The following TNS3 variants were observed in gnomAD, a reference collection of about 807,000 sequenced individuals.
The protein encoded by TNS3 is tensin 3.
Under a neutral mutation model 140.9 loss-of-function variants are expected in TNS3, and 45 were observed. The observed-to-expected ratio is 0.32, with a 90% CI of 0.25 to 0.41. The LOEUF (loss-of-function observed/expected upper bound fraction) is 0.41. Among genes scored for constraint, TNS3 ranks in the 10% least tolerant of loss-of-function variants. The probability of loss-of-function intolerance (pLI) is 1.00; values close to 1 mark genes in which losing one functional copy is unlikely to be tolerated. For missense variants in TNS3, 1,716 were observed against 1,906.7 expected (o/e 0.90, Z 1.86); for synonymous variants, 815 against 788.4 (o/e 1.03, Z -0.56).
At chr7:47,535,334 A>G (rs1184509483) in intron 1 of TNS3, among the ~76,000 whole-genome samples, 1 of 152,240 alleles carries the variant, frequency 6.6e-6, no homozygotes, top group Non-Finnish European at 1.5e-5. Flanking sequence ...GTCCACAGCT[A>G]GAAAACTTAA....
chr7:47,571,974 C>A (rs1800568170), intron 1 of TNS3, among the ~76,000 whole-genome samples: 2 of 152,214 alleles, frequency 1.3e-5, no homozygotes, highest in African/African-American at 2.4e-5. Flanking sequence ...CCGCCAGGGC[C>A]CACAGGTCCT....
chr7:47,540,143 G>A (rs1562843776), intron 1 of TNS3, among the ~76,000 whole-genome samples: 1 of 152,056 alleles, frequency 6.6e-6, no homozygotes, highest in Admixed American at 6.6e-5. Flanking sequence ...GCTTCTGACT[G>A]CACTTGGTTC....
At chr7:47,475,475 C>T (rs368586202) in intron 4 of TNS3, among the ~76,000 whole-genome samples, 5 of 152,224 alleles carry the variant, frequency 3.3e-5, no homozygotes, top group African/African-American at 7.2e-5. Flanking sequence ...CACCAGAAGG[C>T]GGAGACACCG....
rs1304992131 is a variant in TNS3, at chr7:47,439,807, CA to C, written c.-22-150del. 2.1e-5 allele frequency: 16 copies of C among 776,426 alleles called. No homozygotes were observed. In the African/African-American group the frequency reaches 2.8e-4, roughly 13 times the overall value. The allele number at this position is 776,426 out of a possible 1,614,324, so 48.1% of individuals were successfully genotyped here. ...CAGCTACGGGAATTTACAGTGTGTG[CA>C]GCCTCTGTGCTGTGTTCCCATAACA... is the stretch of plus-strand genomic sequence containing the variant. On this transcript the variant is annotated intron_variant, in intron 5 of 30. Coordinates refer to ENST00000311160, the MANE Select transcript of TNS3 (RefSeq NM_022748.12).
chr7:47,391,826 G>A (rs931282811), intron 16 of TNS3, among the ~76,000 whole-genome samples: 10 of 152,142 alleles, frequency 6.6e-5, no homozygotes, highest in Non-Finnish European at 1.3e-4. Context: ...CTTGTGTGAC[G>A]AGGAGGTGGG....
intron 2 of TNS3, among the ~76,000 whole-genome samples, chr7:47,515,383 T>C (rs779844788): frequency 2.2e-4 from 34 of 152,226 alleles, no homozygotes; most frequent in Non-Finnish European, 2.6e-4. Context: ...ATTGCCATTG[T>C]TACTATCACC....
intron 3 of TNS3, among the ~76,000 whole-genome samples, chr7:47,483,770 G>A (rs34928805): frequency 0.063 from 9,533 of 152,216 alleles, 352 homozygotes; most frequent in African/African-American, 0.099. Flanking sequence ...GGGACTGCCC[G>A]AGTCCCATCT....
intron 10 of TNS3, among the ~76,000 whole-genome samples, chr7:47,419,250 G>A (rs76988120): frequency 0.2 from 30,294 of 152,200 alleles, 3,477 homozygotes; most frequent in African/African-American, 0.32. Context: ...AGAGTTGGAG[G>A]CTCAGAGGGG....
intron 3 of TNS3, among the ~76,000 whole-genome samples, chr7:47,489,361 G>C (rs1283284352): frequency 1.3e-5 from 2 of 152,190 alleles, no homozygotes; most frequent in South Asian, 2.1e-4. Flanking sequence ...CTTGGTCTTG[G>C]CTTGGTCTCG....
chr7:47,535,284 A>G (rs1799560362), intron 1 of TNS3, among the ~76,000 whole-genome samples: 1 of 152,224 alleles, frequency 6.6e-6, no homozygotes, highest in South Asian at 2.1e-4. Context: ...CCAACCAGGG[A>G]GAAAGAGGCA....
At chr7:47,398,758 G>GT (rs1792978907) in intron 15 of TNS3, among the ~76,000 whole-genome samples, 1 of 152,110 alleles carries the variant, frequency 6.6e-6, no homozygotes, top group African/African-American at 2.4e-5. Flanking sequence ...CCTGAGAAGT[G>GT]TAACAAGACA....
At chr7:47,515,144 A>G (rs911222597) in intron 2 of TNS3, among the ~76,000 whole-genome samples, 5 of 152,224 alleles carry the variant, frequency 3.3e-5, no homozygotes, top group African/African-American at 7.2e-5. Context: ...ACATGTTAAC[A>G]TAACAGTTTT....
intron 17 of TNS3, among the ~76,000 whole-genome samples, chr7:47,361,718 T>C (rs1284284039): frequency 6.6e-6 from 1 of 152,220 alleles, no homozygotes; most frequent in Non-Finnish European, 1.5e-5. Context: ...TTCTTTAGGA[T>C]GCACAGGTTA....
At chr7:47,411,051 T>C (rs1793741282) in intron 13 of TNS3, among the ~76,000 whole-genome samples, 1 of 152,234 alleles carries the variant, frequency 6.6e-6, no homozygotes, top group Non-Finnish European at 1.5e-5. Flanking sequence ...TAATGATACA[T>C]AAATATTCTA....
chr7:47,279,540 T>C (rs961460991), intron 30 of TNS3: 1 of 155,126 alleles, frequency 6.4e-6, no homozygotes, highest in South Asian at 2.0e-4. Flanking sequence ...CCGTCTCTAC[T>C]AAATACAAAA....
chr7:47,524,001 C>T (rs1363839786), intron 2 of TNS3, among the ~76,000 whole-genome samples: 1 of 152,230 alleles, frequency 6.6e-6, no homozygotes, highest in African/African-American at 2.4e-5. Flanking sequence ...TGCAGGCACC[C>T]AGGCTGGAAA....
rs745744128 is a variant in TNS3 at position 47,303,311 on chromosome 7, C to T, written c.3096G>A (p.Pro1032=). The change falls in exon 22 of 31, where the codon CCG becomes CCA. Residue 1032 remains proline (P), a synonymous_variant. Coordinates refer to ENST00000311160, the MANE Select transcript of TNS3 (RefSeq NM_022748.12). ...GCAAGGCCCCCAGGTCCTCCTCGGG[C>T]GGAAGGCCACTTCCCACTGGGGCGG... ...FGTAPVGSGL[P]PEEDLGALLA... is the part of the protein sequence containing the mutation. 20 of 1,613,212 alleles carry T rather than the reference C, an allele frequency of 1.2e-5. No individual in the cohort carries two copies. Among genetic ancestry groups the T allele is most frequent in the Middle Eastern group, 1.6e-4 (1 of 6,076 alleles).
In TNS3 at chr7:47,314,577, A is replaced by T. The variant is rs148337813; in HGVS notation, c.2651-9574T>A. On this transcript the variant is annotated intron_variant, in intron 20 of 30. Coordinates refer to ENST00000311160, the MANE Select transcript of TNS3 (RefSeq NM_022748.12). ...TTCTAGAAATGTGGCTCACCATAAG[A>T]ACAGGCAGAATTGTTGTTGTTGCTC... Among the ~76,000 whole-genome samples, 507 of 152,338 alleles carry T rather than the reference A, an allele frequency of 3.3e-3. 2 individuals are homozygous for T. Among genetic ancestry groups the T allele is most frequent in the African/African-American group, 0.011 (473 of 41,576 alleles).
intron 16 of TNS3, among the ~76,000 whole-genome samples, chr7:47,390,005 T>G (rs150171719): frequency 4.1e-4 from 63 of 152,342 alleles, no homozygotes; most frequent in African/African-American, 1.5e-3. Context: ...TAAAGAAATA[T>G]TCTTCTGCCT....
Sources: allele counts gnomAD v4.1 joint callset (sites outside exome capture counted in the v4.1 genomes callset), GRCh38; gene constraint gnomAD v4.1.1; transcripts MANE v1.5; gene names NCBI Gene and HGNC (gene_info 2026-07-23, HGNC 2026-07-21).